Variants in KSR2 observed in about 807,000 individuals in gnomAD.
The protein encoded by KSR2 is kinase suppressor of ras 2.
KSR2 carries 25 observed loss-of-function variants against 107.8 expected under a neutral mutation model. The observed-to-expected ratio is 0.23, with a 90% CI of 0.17 to 0.32. The LOEUF is 0.32. Among genes scored for constraint, KSR2 ranks in the 10% least tolerant of loss-of-function variants. The pLI is 1.00. For missense variants in KSR2, 887 were observed against 1,268.9 expected, an observed-to-expected ratio of 0.70 and a Z score of 4.57; for synonymous variants, 480 against 507.0, an observed-to-expected ratio of 0.95 and a Z score of 0.71.
chr12:117,670,228 CATA>C (rs1435948815), intron 4 of KSR2, among the ~76,000 whole-genome samples: 1 of 152,220 alleles, frequency 6.6e-6, no homozygotes, highest in Non-Finnish European at 1.5e-5. Context: ...GAGGCTTCAT[CATA>C]ATAATAACAG....
intron 3 of KSR2, among the ~76,000 whole-genome samples, chr12:117,761,765 G>A (rs910919185): frequency 2.0e-5 from 3 of 151,820 alleles, no homozygotes; most frequent in Non-Finnish European, 2.9e-5. Flanking sequence ...CTGTTACATC[G>A]TATGCATGTT....
intron 5 of KSR2, among the ~76,000 whole-genome samples, chr12:117,595,038 A>G (rs116147847): frequency 1.4e-3 from 218 of 152,276 alleles, no homozygotes; most frequent in African/African-American, 4.9e-3. Context: ...GCATGGACAG[A>G]TCTAAAAACA....
intron 5 of KSR2, among the ~76,000 whole-genome samples, chr12:117,623,799 C>A (rs2136347520): frequency 6.6e-6 from 1 of 152,310 alleles, no homozygotes; most frequent in East Asian, 1.9e-4. Flanking sequence ...CTTGAGGAAT[C>A]GCCACACTGT....
At chr12:117,738,873 A>C (rs1888051885) in intron 4 of KSR2, among the ~76,000 whole-genome samples, 1 of 149,998 alleles carries the variant, frequency 6.7e-6, no homozygotes, top group Non-Finnish European at 1.5e-5. Flanking sequence ...TCTGTTTCAA[A>C]AAACAAAGGA....
intron 1 of KSR2, among the ~76,000 whole-genome samples, chr12:117,950,515 G>A (rs955898825): frequency 2.6e-5 from 4 of 151,876 alleles, no homozygotes; most frequent in Admixed American, 6.6e-5. Flanking sequence ...CAGGTGGATC[G>A]CTTGAACCCA....
intron 9 of KSR2, among the ~76,000 whole-genome samples, chr12:117,554,350 C>T (rs977253381): frequency 3.9e-5 from 6 of 152,154 alleles, no homozygotes; most frequent in Admixed American, 3.9e-4. Context: ...TCAGGGCCCC[C>T]AAAGAAAACC....
rs1240572178 is a variant in KSR2 at position 117,680,163 on chromosome 12, C to G, written c.987-12505G>C. On this transcript the variant is annotated intron_variant, in intron 4 of 19. Transcript: ENST00000339824. Reference sequence around the variant, plus strand: ...TCTGTGTCTAAATAATGAACATTCTCTATTCCTGTTCACTCCTCTCCCCAT... The same window carrying G: ...TCTGTGTCTAAATAATGAACATTCTGTATTCCTGTTCACTCCTCTCCCCAT... 2.0e-5 allele frequency among the ~76,000 whole-genome samples: 3 copies of G among 152,194 alleles called. No homozygotes were observed. The East Asian group carries it at 5.8e-4, about 29-fold the overall frequency.
At chr12:117,470,635 G>A (rs1161209399) in intron 18 of KSR2, among the ~76,000 whole-genome samples, 11 of 152,188 alleles carry the variant, frequency 7.2e-5, no homozygotes, top group Non-Finnish European at 1.3e-4. Flanking sequence ...GTTACTTTTA[G>A]TAATCTCTTC....
At chr12:117,481,911 G>C (rs1872196604) in intron 16 of KSR2, among the ~76,000 whole-genome samples, 1 of 152,162 alleles carries the variant, frequency 6.6e-6, no homozygotes. Flanking sequence ...AAGATGCCTT[G>C]TCATGAACAA....
chr12:117,545,247 G>T (rs1876772182), intron 9 of KSR2, among the ~76,000 whole-genome samples: 2 of 152,074 alleles, frequency 1.3e-5, no homozygotes, highest in African/African-American at 2.4e-5. Context: ...TATTAATGAA[G>T]AATATTAGTC....
At chr12:117,959,411 A>G (rs751419174) in intron 1 of KSR2, among the ~76,000 whole-genome samples, 6 of 152,166 alleles carry the variant, frequency 3.9e-5, no homozygotes, top group Non-Finnish European at 7.3e-5. Flanking sequence ...CAGATTCATC[A>G]GCACCTTCCA....
At chr12:117,634,681 T>A (rs1020506499) in intron 5 of KSR2, among the ~76,000 whole-genome samples, 2 of 152,078 alleles carry the variant, frequency 1.3e-5, no homozygotes, top group African/African-American at 4.8e-5. Flanking sequence ...CTGGATCCCA[T>A]CAGACAAGCC....
chr12:117,543,806 TG>T (rs1876666636), intron 9 of KSR2, among the ~76,000 whole-genome samples: 1 of 152,246 alleles, frequency 6.6e-6, no homozygotes, highest in African/African-American at 2.4e-5. Flanking sequence ...GGCAAGGCCG[TG>T]TCTCAGGATC....
intron 1 of KSR2, among the ~76,000 whole-genome samples, chr12:117,894,805 C>A (rs550083094): frequency 1.3e-5 from 2 of 150,662 alleles, no homozygotes; most frequent in South Asian, 2.1e-4. Context: ...CTTTGCCTTC[C>A]GCCATGATTG....
At chr12:117,841,398 C>T (rs1892470613) in intron 3 of KSR2, among the ~76,000 whole-genome samples, 1 of 152,130 alleles carries the variant, frequency 6.6e-6, no homozygotes, top group South Asian at 2.1e-4. Flanking sequence ...GTCAAATCTG[C>T]TGGGAATGTT....
chr12:117,644,580 T>A lies in KSR2; in HGVS notation c.1171+22894A>T, dbSNP rs558902193. 7.2e-4 allele frequency among the ~76,000 whole-genome samples: 110 copies of A among 152,236 alleles called. 2 individuals are homozygous for A. The highest frequency in any genetic ancestry group is 1.8e-4 in the Non-Finnish European group (12 of 68,022). Reference sequence around the variant, plus strand: ...CTAGGGATCAGAATTTTAAAATGCATCCCAGGTGATTTGAATGTGAAAGCA... The same window carrying A: ...CTAGGGATCAGAATTTTAAAATGCAACCCAGGTGATTTGAATGTGAAAGCA... On this transcript the variant is annotated intron_variant, in intron 5 of 19. Coordinates refer to ENST00000339824, the MANE Select transcript of KSR2 (RefSeq NM_173598.6).
intron 7 of KSR2, among the ~76,000 whole-genome samples, chr12:117,578,850 G>A (rs920712187): frequency 3.3e-5 from 5 of 152,176 alleles, no homozygotes; most frequent in African/African-American, 1.2e-4. Flanking sequence ...GGCCTTAGAT[G>A]TTATGAAAAC....
In KSR2 at chr12:117,667,415, C is replaced by G. The variant is rs1249355390; in HGVS notation, c.1171+59G>C. 6 of 1,498,266 alleles carry G rather than the reference C, an allele frequency of 4.0e-6. No homozygotes were observed. In the South Asian group the frequency reaches 6.0e-5, roughly 15 times the overall value. The allele number at this position is 1,498,266 out of a possible 1,614,324, so 92.8% of individuals were successfully genotyped here. A position where few individuals can be genotyped will look rare whatever the true frequency, so the allele number is the denominator to read the frequency against. On this transcript the variant is annotated intron_variant, in intron 5 of 19. Transcript: ENST00000339824. ...CACCTGGCACAGAGGACAGCAGGTG[C>G]TGGGGAGAAGGAGGTGGCATGGCAA...
intron 4 of KSR2, among the ~76,000 whole-genome samples, chr12:117,756,967 A>G (rs1404872370): frequency 6.6e-6 from 1 of 151,358 alleles, no homozygotes; most frequent in African/African-American, 2.4e-5. Flanking sequence ...AGGCAGGAGA[A>G]TTGCTAGAAC....
Sources: allele counts gnomAD v4.1 joint callset (sites outside exome capture counted in the v4.1 genomes callset), GRCh38; gene constraint gnomAD v4.1.1; transcripts MANE v1.5; gene names NCBI Gene and HGNC (gene_info 2026-07-23, HGNC 2026-07-21).